The following CTIF variants were observed in gnomAD, a reference collection of about 807,000 sequenced individuals.
CTIF encodes the protein CBP80/20-dependent translation initiation factor.
A neutral mutation model predicts 66.0 loss-of-function variants in CTIF; 21 were observed. The observed-to-expected ratio is 0.32, with a 90% CI of 0.23 to 0.46. The LOEUF (loss-of-function observed/expected upper bound fraction) is 0.46. Among genes scored for constraint, CTIF ranks in the 20% least tolerant of loss-of-function variants. CTIF has a pLI of 1.00. For synonymous variants in CTIF, 345 were observed against 326.4 expected (o/e 1.06, Z -0.62); for missense variants, 739 against 812.7 (o/e 0.91, Z 1.10).
chr18:48,629,216 C>A (rs962933477), intron 2 of CTIF, among the ~76,000 whole-genome samples: 7 of 152,222 alleles, frequency 4.6e-5, no homozygotes, highest in African/African-American at 1.7e-4. Flanking sequence ...GAAGACCTGG[C>A]CTGTGGACCC....
intron 1 of CTIF, among the ~76,000 whole-genome samples, chr18:48,603,784 C>A (rs1347578433): frequency 6.6e-6 from 1 of 151,678 alleles, no homozygotes; most frequent in Non-Finnish European, 1.5e-5. Context: ...GGTGAGGCAA[C>A]AGATACCCTT....
intron 10 of CTIF, among the ~76,000 whole-genome samples, chr18:48,823,591 A>T (rs866522784): frequency 1.9e-4 from 29 of 152,306 alleles, no homozygotes; most frequent in Middle Eastern, 6.8e-3. Flanking sequence ...GAAATTAGGA[A>T]GTGTGATTGC....
chr18:48,581,263 G>C (rs537747290), intron 1 of CTIF, among the ~76,000 whole-genome samples: 84 of 151,630 alleles, frequency 5.5e-4, no homozygotes, highest in Non-Finnish European at 1.1e-3. Context: ...TTCCTGAGAC[G>C]TACCACGTCC....
chr18:48,854,046 G>A (rs558165708), intron 10 of CTIF, among the ~76,000 whole-genome samples: 1 of 152,262 alleles, frequency 6.6e-6, no homozygotes, highest in African/African-American at 2.4e-5. Context: ...AAAAAGAAAT[G>A]CATAAATCAT....
At chr18:48,737,101 T>G (rs2092510025) in intron 7 of CTIF, among the ~76,000 whole-genome samples, 1 of 152,132 alleles carries the variant, frequency 6.6e-6, no homozygotes, top group Admixed American at 6.5e-5. Flanking sequence ...CCCTGCATGA[T>G]GAGAGACTCC....
chr18:48,852,233 TA>T (rs10591389), intron 10 of CTIF, among the ~76,000 whole-genome samples: 1,981 of 66,358 alleles, frequency 0.03, 25 homozygotes, highest in African/African-American at 0.044. Context: ...GACCCTGTCT[TA>T]AAAAAAAAAA....
chr18:48,783,372 G>A (rs929501766), intron 9 of CTIF, among the ~76,000 whole-genome samples: 2 of 152,026 alleles, frequency 1.3e-5, no homozygotes, highest in African/African-American at 2.4e-5. Context: ...GCATTAAGTT[G>A]TCCTTTCTTT....
chr18:48,630,892 T>C (rs2090698743), intron 2 of CTIF, among the ~76,000 whole-genome samples: 1 of 152,044 alleles, frequency 6.6e-6, no homozygotes. Context: ...TTAGCCAGGA[T>C]GGTCTTGATC....
chr18:48,705,289 C>G (rs1217607082), intron 6 of CTIF, among the ~76,000 whole-genome samples: 1 of 152,142 alleles, frequency 6.6e-6, no homozygotes, highest in Non-Finnish European at 1.5e-5. Context: ...GCCAGCAATC[C>G]TTGGCACTCC....
chr18:48,653,267 G>C (rs1413583836), intron 3 of CTIF, among the ~76,000 whole-genome samples: 4 of 151,980 alleles, frequency 2.6e-5, no homozygotes, highest in African/African-American at 4.8e-5. Flanking sequence ...AGCTGATAAG[G>C]AACTTCAGCA....
rs2091386638 is a variant in CTIF at position 48,663,749 on chromosome 18, C to T, written c.253-3C>T. ...TCAGCCCTTTCACCCCCATCTCTTC[C>T]AGAATGGCAGCAAAGACAACTCTCT... On this transcript the variant is annotated splice_region_variant and splice_polypyrimidine_tract_variant and intron_variant, in intron 3 of 11. Transcript: ENST00000256413. 6.2e-7 allele frequency: 1 copy of T among 1,614,000 alleles called. No homozygotes were observed. The highest frequency in any genetic ancestry group is 1.1e-5 in the South Asian group (1 of 91,082).
chr18:48,624,821 T>A (rs964942702), intron 2 of CTIF, among the ~76,000 whole-genome samples: 16 of 152,218 alleles, frequency 1.1e-4, no homozygotes, highest in African/African-American at 3.9e-4. Flanking sequence ...AGGAACCCTA[T>A]GAAGATACAT....
intron 9 of CTIF, among the ~76,000 whole-genome samples, chr18:48,781,966 T>A (rs1331284091): frequency 2.0e-5 from 3 of 152,136 alleles, no homozygotes; most frequent in Non-Finnish European, 4.4e-5. Flanking sequence ...GTTAAAGAGT[T>A]GTACTGATTC....
intron 1 of CTIF, among the ~76,000 whole-genome samples, chr18:48,611,642 T>G (rs1014481929): frequency 6.6e-6 from 1 of 152,218 alleles, no homozygotes; most frequent in Non-Finnish European, 1.5e-5. Context: ...CCAACTCCCA[T>G]CCTTGAACCA....
intron 10 of CTIF, among the ~76,000 whole-genome samples, chr18:48,840,171 C>A (rs1236011576): frequency 6.6e-6 from 1 of 152,152 alleles, no homozygotes; most frequent in Non-Finnish European, 1.5e-5. Context: ...AAAAGGCATG[C>A]TCAGCCAAGA....
intron 9 of CTIF, among the ~76,000 whole-genome samples, chr18:48,808,346 A>G (rs2068192796): frequency 6.6e-6 from 1 of 152,264 alleles, no homozygotes; most frequent in East Asian, 1.9e-4. Context: ...TGAACACACT[A>G]TTTATATATT....
In CTIF at chr18:48,861,724, C is replaced by T. The variant is rs1056656206; in HGVS notation, c.*2165C>T. On this transcript the variant is annotated 3_prime_UTR_variant, in exon 12 of 12. Coordinates refer to ENST00000256413, the MANE Select transcript of CTIF (RefSeq NM_014772.3). ...GCTTCACGCAGGACGCTCCGAAACA[C>T]TGTGTGGAGGGGGCTGTGTTGTGGG... The T allele has an allele frequency of 6.6e-6, 1 of 152,304 alleles. No individual in the cohort carries two copies. Among genetic ancestry groups the T allele is most frequent in the Admixed American group, 6.5e-5 (1 of 15,280 alleles). 9.4% of individuals were successfully genotyped at this position (152,304 alleles called of 1,614,324 possible).
chr18:48,549,288 C>T (rs2088828472), intron 1 of CTIF, among the ~76,000 whole-genome samples: 2 of 152,106 alleles, frequency 1.3e-5, no homozygotes, highest in East Asian at 3.9e-4. Flanking sequence ...CAGTTTACAG[C>T]CACAGGGTTC....
intron 2 of CTIF, among the ~76,000 whole-genome samples, chr18:48,632,668 G>A (rs1021518959): frequency 3.3e-5 from 5 of 152,242 alleles, no homozygotes; most frequent in African/African-American, 9.6e-5. Flanking sequence ...AGCTGGCCAC[G>A]TTCTACTGAG....
Sources: gnomAD v4.1 joint callset for allele counts (sites outside exome capture counted in the v4.1 genomes callset) on GRCh38, gnomAD v4.1.1 for gene constraint, MANE v1.5 for transcripts, NCBI Gene and HGNC (gene_info 2026-07-23, HGNC 2026-07-21) for gene names.